The following MST1R variants were observed in gnomAD, a reference collection of about 807,000 sequenced individuals.
MST1R encodes macrophage stimulating 1 receptor.
In MST1R, 99 loss-of-function variants were observed where a neutral mutation model predicts 117.8. The ratio of observed to expected loss-of-function variants is 0.84; its 90% confidence interval spans 0.71 to 0.99. MST1R has a LOEUF of 0.99. Ranked by LOEUF, MST1R falls within the 50% of genes least tolerant of loss-of-function variation. MST1R has a pLI of 0.00. For synonymous variants in MST1R, 734 were observed against 765.3 expected, an observed-to-expected ratio of 0.96 and a Z score of 0.68; for missense variants, 1,683 against 1,840.2, an observed-to-expected ratio of 0.91 and a Z score of 1.56.
chr3:49,896,024 C>A lies in MST1R; in HGVS notation c.2733G>T (p.Gly911=). The A allele has an allele frequency of 6.2e-7, 1 of 1,604,012 alleles. No homozygotes were observed. The highest frequency in any genetic ancestry group is 1.1e-5 in the South Asian group (1 of 88,752). The stretch of plus-strand genomic sequence containing the variant: ...GGGGCAGGGGGCAGACAACCATGTC[C>A]CCCCGGAACTCGTGCTGGCAGCTCT... ...GGESCQHEFR[G]DMVVCPLPPS... The change falls in exon 11 of 20, where the codon GGG becomes GGT. Residue 911 remains glycine, a synonymous_variant. Transcript: ENST00000296474.
Position 49,897,383 on chromosome 3 carries a change from CA to C in MST1R, c.2079del (p.Phe693LeufsTer19). On this transcript the variant is annotated frameshift_variant, in exon 7 of 20. Coordinates refer to ENST00000296474, the MANE Select transcript of MST1R (RefSeq NM_002447.4). LOFTEE classifies it high-confidence loss of function. ...EPVLIAVQPL[F>X]GPRAGGTCLT... ...AGACAGGTGCCTCCTGCCCGTGGGC[CA>C]AAGAGGGGTTGCACTGCTATCAGCA... is the stretch of plus-strand genomic sequence containing the variant. 2.5e-6 allele frequency: 4 copies of C among 1,613,870 alleles called. No individual in the cohort carries two copies. Among genetic ancestry groups the C allele is most frequent in the Non-Finnish European group, 3.4e-6 (4 of 1,179,918 alleles).
chr3:49,901,868 T>C (rs984387711), intron 1 of MST1R, among the ~76,000 whole-genome samples: 1 of 146,478 alleles, frequency 6.8e-6, no homozygotes, highest in African/African-American at 2.5e-5. Context: ...AGTGAAACTG[T>C]TGGCAAGCAG....
rs1559477322 is a variant in MST1R, at chr3:49,897,402, T to C, written c.2061A>G (p.Ile687Met). ...GTGGGCCAAAGAGGGGTTGCACTGC[T>C]ATCAGCACTGGCTCCTAAGAGGACA... ...RGFSFMEPVL[I>M]AVQPLFGPRA... The change falls in exon 7 of 20, where the codon ATA (isoleucine) becomes ATG (methionine). Residue 687 changes from isoleucine to methionine, a missense_variant. Coordinates refer to ENST00000296474, the MANE Select transcript of MST1R (RefSeq NM_002447.4). 1 of 1,613,638 alleles carries C rather than the reference T, an allele frequency of 6.2e-7. No individual in the cohort carries two copies. The highest frequency in any genetic ancestry group is 8.5e-7 in the Non-Finnish European group (1 of 1,179,806).
chr3:49,892,131 T>C (rs538490179), intron 14 of MST1R, among the ~76,000 whole-genome samples: 47 of 151,714 alleles, frequency 3.1e-4, no homozygotes, highest in African/African-American at 1.1e-3. Context: ...ACACAGCTAA[T>C]TTTTTTGTAT....
intron 19 of MST1R, among the ~76,000 whole-genome samples, chr3:49,889,318 G>A (rs2108365419): frequency 6.6e-6 from 1 of 152,328 alleles, no homozygotes; most frequent in East Asian, 1.9e-4. Context: ...GTGAGGAAGG[G>A]CTACTCGCAT....
chr3:49,902,288 GC>G, intron 1 of MST1R, 91 bp downstream of exon 1: 1 of 1,414,216 alleles, frequency 7.1e-7, no homozygotes, highest in Non-Finnish European at 9.6e-7. Flanking sequence ...CCCCCACCGC[GC>G]CCCCAGATCC....
At position 49,890,491 on chromosome 3, in the gene MST1R, A is replaced by C; in HGVS notation, c.3804T>G (p.Ser1268=). 1 of 1,612,842 alleles carries C rather than the reference A, an allele frequency of 6.2e-7. No homozygotes were observed. The highest frequency in any genetic ancestry group is 1.1e-5 in the South Asian group (1 of 90,976). ...SLQTYRFTTK[S]DVWSFGVLLW... is the part of the protein sequence containing the mutation. Reference sequence around the variant, plus strand: ...AGGGCAGGTGGGGCCTCACCACATCAGACTTGGTGGTAAATCTATAGGTCT... The same window carrying C: ...AGGGCAGGTGGGGCCTCACCACATCCGACTTGGTGGTAAATCTATAGGTCT... The change falls in exon 18 of 20, where the codon TCT becomes TCG. Residue 1268 remains serine (S), a synonymous_variant. Transcript: ENST00000296474.
In MST1R at chr3:49,895,314, C is replaced by T. The variant is rs144684048; in HGVS notation, c.3124G>A (p.Asp1042Asn). ...TTCVHGASFS[D>N]SEDESCVPLL... ...GGCACACAGGATTCATCTTCACTAT[C>T]GGAGAAGGATGCTCCATGGACACAA... Residue 1042 changes from aspartate (D) to asparagine (N), a missense_variant, in exon 14 of 20, where the codon GAT (aspartate) becomes AAT (asparagine). Asp to Asn is a conservative substitution (Grantham distance 23). Coordinates refer to ENST00000296474, the MANE Select transcript of MST1R (RefSeq NM_002447.4). The T allele has an allele frequency of 6.8e-6, 11 of 1,614,202 alleles. No individual in the cohort carries two copies. Among genetic ancestry groups the T allele is most frequent in the Admixed American group, 3.3e-5 (2 of 60,022 alleles).
chr3:49,895,070 C>T (rs1465824941), intron 14 of MST1R, 97 bp downstream of exon 14: 1 of 1,374,020 alleles, frequency 7.3e-7, no homozygotes, highest in Non-Finnish European at 1.0e-6. Flanking sequence ...CTCGGCCTCC[C>T]AAAGTGCTGG....
At chr3:49,890,087 T>C in intron 18 of MST1R, 27 bp from the exon 19 acceptor site, 4 of 1,558,884 alleles carry the variant, frequency 2.6e-6, no homozygotes, top group Non-Finnish European at 3.5e-6. Flanking sequence ...GTGAGGGGAC[T>C]CAACTCACCC....
In MST1R at chr3:49,895,625, C is replaced by T; in HGVS notation, c.2963-77G>A. On this transcript the variant is annotated intron_variant, in intron 12 of 19. Coordinates refer to ENST00000296474, the MANE Select transcript of MST1R (RefSeq NM_002447.4). ...ACCCCTCTGGGGAGGACTTAGATCC[C>T]TAAGTCCTGGGCAGAGAGAGGATGT... 2.5e-6 allele frequency: 4 copies of T among 1,611,786 alleles called. No homozygotes were observed. The South Asian group carries it at 4.4e-5, about 18-fold the overall frequency.
In MST1R at chr3:49,887,194, A is replaced by T; in HGVS notation, c.*113T>A. The T allele has an allele frequency of 6.8e-7, 1 of 1,464,320 alleles. No homozygotes were observed. The highest frequency in any genetic ancestry group is 9.3e-7 in the Non-Finnish European group (1 of 1,079,052). The allele number at this position is 1,464,320 out of a possible 1,614,324, so 90.7% of individuals were successfully genotyped here. A position where few individuals can be genotyped will look rare whatever the true frequency, so the allele number is the denominator to read the frequency against. On this transcript the variant is annotated 3_prime_UTR_variant, in exon 20 of 20. Coordinates refer to ENST00000296474, the MANE Select transcript of MST1R (RefSeq NM_002447.4). ...GGGCCCCATTTACCTATTGCCTCTG[A>T]AAGTTAAAGGGCAGGAACAAGGTGG...
chr3:49,901,819 C>T (rs1353233577), intron 1 of MST1R, among the ~76,000 whole-genome samples: 4 of 151,446 alleles, frequency 2.6e-5, no homozygotes, highest in Admixed American at 6.6e-5. Flanking sequence ...TGACAACTCC[C>T]GTCCCACCCC....
intron 14 of MST1R, among the ~76,000 whole-genome samples, chr3:49,892,953 C>T (rs2082356940): frequency 6.6e-6 from 1 of 151,502 alleles, no homozygotes; most frequent in Non-Finnish European, 1.5e-5. Flanking sequence ...GAGTGAGACT[C>T]TGTCTCAAAA....
At chr3:49,898,413 A>G in intron 4 of MST1R, 105 bp downstream of exon 4, 6 of 1,457,934 alleles carry the variant, frequency 4.1e-6, no homozygotes, top group Non-Finnish European at 5.6e-6. Context: ...GTAGATATGA[A>G]GGACACCCCC....
chr3:49,893,602 T>TCAAAAAAAAAAA (rs2082376807), intron 14 of MST1R, among the ~76,000 whole-genome samples: 1 of 148,236 alleles, frequency 6.7e-6, no homozygotes, highest in Non-Finnish European at 1.5e-5. Flanking sequence ...AGACTCCATC[T>TCAAAAAAAAAAA]TGAAAAAATA....
At chr3:49,902,302 T>G in intron 1 of MST1R, 78 bp downstream of exon 1, 7 of 1,412,132 alleles carry the variant, frequency 5.0e-6, no homozygotes, top group South Asian at 1.3e-5. Flanking sequence ...CCAGATCCCC[T>G]CAGTGATGGA....
chr3:49,901,146 G>A (rs543739317), intron 1 of MST1R, among the ~76,000 whole-genome samples: 1 of 152,332 alleles, frequency 6.6e-6, no homozygotes, highest in East Asian at 1.9e-4. Flanking sequence ...GCCTGCCCAG[G>A]CCCAGACAAG....
rs767419395 is a variant in MST1R at position 49,895,332 on chromosome 3, G to A, written c.3106C>T (p.His1036Tyr). 2 of 1,614,220 alleles carry A rather than the reference G, an allele frequency of 1.2e-6. No individual in the cohort carries two copies. The highest frequency in any genetic ancestry group is 1.1e-5 in the South Asian group (1 of 91,086). The stretch of plus-strand genomic sequence containing the variant: ...TCACTATCGGAGAAGGATGCTCCAT[G>A]GACACAAGTGGTGGAATCCAGACCA... Reference protein sequence around the residue: ...IDGLDSTTCVHGASFSDSEDE... With the variant: ...IDGLDSTTCVYGASFSDSEDE... The change falls in exon 14 of 20, where the codon CAT becomes TAT. Residue 1036 changes from histidine to tyrosine, a missense_variant. Coordinates refer to ENST00000296474, the MANE Select transcript of MST1R (RefSeq NM_002447.4).
Sources: allele counts gnomAD v4.1 joint callset (sites outside exome capture counted in the v4.1 genomes callset), GRCh38; gene constraint gnomAD v4.1.1; transcripts MANE v1.5; gene names NCBI Gene and HGNC (gene_info 2026-07-23, HGNC 2026-07-21).